Variants in G3BP2 observed in about 807,000 individuals in gnomAD.
G3BP2 encodes G3BP stress granule assembly factor 2.
Under a neutral mutation model 56.7 loss-of-function variants are expected in G3BP2, and 11 were observed. The ratio of observed to expected loss-of-function variants is 0.19; its 90% CI spans 0.12 to 0.32. The LOEUF is 0.32. Among genes scored for constraint, G3BP2 ranks in the 10% least tolerant of loss-of-function variants. The pLI is 1.00. For synonymous variants in G3BP2, 165 were observed against 191.6 expected, an observed-to-expected ratio of 0.86 and a Z score of 1.15; for missense variants, 340 against 610.9, an observed-to-expected ratio of 0.56 and a Z score of 4.67.
intron 3 of G3BP2, among the ~76,000 whole-genome samples, chr4:75,718,903 A>G (rs889373331): frequency 6.6e-6 from 1 of 152,134 alleles, no homozygotes; most frequent in Non-Finnish European, 1.5e-5. Flanking sequence ...ACAGTTAAGG[A>G]GAGCAGAGTC....
At chr4:75,706,318 A>C (rs931358338) in intron 3 of G3BP2, among the ~76,000 whole-genome samples, 25 of 152,144 alleles carry the variant, frequency 1.6e-4, no homozygotes, top group African/African-American at 6.0e-4. Context: ...GCCTCAAGTG[A>C]TCCTCCCGCC....
At chr4:75,663,038 CTT>C (rs1732692731) in intron 1 of G3BP2, among the ~76,000 whole-genome samples, 1 of 151,418 alleles carries the variant, frequency 6.6e-6, no homozygotes, top group Non-Finnish European at 1.5e-5. Context: ...TTATGTCTCT[CTT>C]TCTTTCCACT....
chr4:75,653,209 C>T lies in G3BP2; in HGVS notation c.825+774G>A, dbSNP rs116801326. On this transcript the variant is annotated intron_variant, in intron 8 of 11. Transcript: ENST00000359707. Reference sequence around the variant, plus strand: ...CTACTTTTAAAACCTCAAAATTTCACTGCTTAGAACATATAAAAGATACAT... The same window carrying T: ...CTACTTTTAAAACCTCAAAATTTCATTGCTTAGAACATATAAAAGATACAT... Among the ~76,000 whole-genome samples, 988 of 152,078 alleles carry T rather than the reference C, an allele frequency of 6.5e-3. 14 individuals are homozygous for T. Among genetic ancestry groups the T allele is most frequent in the African/African-American group, 0.023 (951 of 41,480 alleles).
chr4:75,664,324 C>A (rs764543623), intron 1 of G3BP2, among the ~76,000 whole-genome samples: 2 of 152,060 alleles, frequency 1.3e-5, no homozygotes, highest in South Asian at 4.1e-4. Flanking sequence ...CGCCTGTAAT[C>A]CCAGCACTTC....
At chr4:75,650,807 A>G (rs1409088769) in intron 8 of G3BP2, among the ~76,000 whole-genome samples, 2 of 151,918 alleles carry the variant, frequency 1.3e-5, no homozygotes, top group African/African-American at 2.4e-5. Context: ...GGCTCAAGTG[A>G]TCCTCCTGCC....
At chr4:75,707,035 A>G (rs1452622937) in intron 3 of G3BP2, among the ~76,000 whole-genome samples, 1 of 151,880 alleles carries the variant, frequency 6.6e-6, no homozygotes, top group East Asian at 2.0e-4. Flanking sequence ...TCTACTAAAA[A>G]TACAAAATTA....
chr4:75,657,478 A>C (rs904424486), intron 4 of G3BP2, 79 bp downstream of exon 4: 2 of 1,028,226 alleles, frequency 1.9e-6, no homozygotes, highest in Non-Finnish European at 2.9e-6. Flanking sequence ...GCAAATCTAA[A>C]CCTATTAGAA....
intron 4 of G3BP2, 70 bp from the exon 5 acceptor site, chr4:75,657,084 G>A: frequency 1.5e-6 from 1 of 675,098 alleles, no homozygotes; most frequent in African/African-American, 1.9e-5. Flanking sequence ...AAATTACATG[G>A]CATACACAAT....
intron 3 of G3BP2, among the ~76,000 whole-genome samples, chr4:75,717,893 C>A (rs1719988844): frequency 6.6e-6 from 1 of 152,132 alleles, no homozygotes; most frequent in South Asian, 2.1e-4. Flanking sequence ...GTAATCCCAG[C>A]ACTTTGGGAG....
intron 3 of G3BP2, among the ~76,000 whole-genome samples, chr4:75,680,962 G>A (rs1312223277): frequency 2.8e-5 from 4 of 142,002 alleles, no homozygotes; most frequent in Non-Finnish European, 6.0e-5. Flanking sequence ...GCAAGACCCC[G>A]TCTCAAAAAA....
Position 75,645,349 on chromosome 4 carries a change from C to G in G3BP2, c.*81G>C. 1 of 1,362,952 alleles carries G rather than the reference C, an allele frequency of 7.3e-7. No homozygotes were observed. Among genetic ancestry groups the G allele is most frequent in the Non-Finnish European group, 1.0e-6 (1 of 994,832 alleles). 84.4% of individuals were successfully genotyped at this position (1,362,952 alleles called of 1,614,324 possible). ...ATGATCAAAAAGGCTGTGTCACATT[C>G]CAAAGCCAAAAAAAAAATTAACAAG... On this transcript the variant is annotated 3_prime_UTR_variant, in exon 12 of 12. Coordinates refer to ENST00000359707, the MANE Select transcript of G3BP2 (RefSeq NM_203505.3).
At chr4:75,713,386 A>G (rs1366714275) in intron 3 of G3BP2, among the ~76,000 whole-genome samples, 28 of 152,374 alleles carry the variant, frequency 1.8e-4, no homozygotes, top group South Asian at 2.1e-4. Flanking sequence ...TTTATACAGT[A>G]TTAAAGCATG....
At chr4:75,709,450 C>T (rs1017767170) in intron 3 of G3BP2, among the ~76,000 whole-genome samples, 2 of 134,714 alleles carry the variant, frequency 1.5e-5, no homozygotes, top group African/African-American at 2.8e-5. Context: ...AAACCTACTA[C>T]GAAAAAAACC....
At chr4:75,700,814 G>A (rs1049806605) in intron 3 of G3BP2, among the ~76,000 whole-genome samples, 21 of 151,886 alleles carry the variant, frequency 1.4e-4, no homozygotes, top group African/African-American at 5.1e-4. Context: ...TTAAAAGGGA[G>A]AAAAGGATTA....
chr4:75,669,291 G>A (rs1255173967), intron 1 of G3BP2, among the ~76,000 whole-genome samples: 1 of 152,072 alleles, frequency 6.6e-6, no homozygotes. Flanking sequence ...ACCAAAGAAA[G>A]CTATTTCCTT....
intron 1 of G3BP2, 87 bp from the exon 2 acceptor site, chr4:75,662,136 A>G: frequency 1.4e-6 from 1 of 725,496 alleles, no homozygotes; most frequent in South Asian, 1.8e-5. Context: ...AGCCAAATTT[A>G]GCAGTGGGGA....
chr4:75,685,207 CA>C (rs904733126), intron 3 of G3BP2, among the ~76,000 whole-genome samples: 1 of 147,738 alleles, frequency 6.8e-6, no homozygotes, highest in South Asian at 2.1e-4. Flanking sequence ...AAACACAAAA[CA>C]AAAAAAAACA....
intron 3 of G3BP2, among the ~76,000 whole-genome samples, chr4:75,691,608 A>G (rs929968407): frequency 1.4e-4 from 22 of 152,036 alleles, no homozygotes; most frequent in African/African-American, 4.8e-4. Flanking sequence ...TTTATTACTC[A>G]CTGCTTACCT....
In G3BP2 at chr4:75,654,955, C is replaced by T. The variant is rs939300651; in HGVS notation, c.726+111G>A. On this transcript the variant is annotated intron_variant, in intron 7 of 11. Transcript: ENST00000359707. ...CAAACCCCACAGCTTCTTTCATATA[C>T]ATAAAATAATTTACTAAACAATTTA... 6 of 722,336 alleles carry T rather than the reference C, an allele frequency of 8.3e-6. No individual in the cohort carries two copies. The African/African-American group carries it at 9.0e-5, about 11-fold the overall frequency. 44.7% of individuals were successfully genotyped at this position (722,336 alleles called of 1,614,324 possible). A position where few individuals can be genotyped will look rare whatever the true frequency, so the allele number is the denominator to read the frequency against.
Sources: allele counts gnomAD v4.1 joint callset (sites outside exome capture counted in the v4.1 genomes callset), GRCh38; gene constraint gnomAD v4.1.1; transcripts MANE v1.5; gene names NCBI Gene and HGNC (gene_info 2026-07-23, HGNC 2026-07-21).